The following SENP7 variants were observed in gnomAD, a reference collection of about 807,000 sequenced individuals.
SENP7 encodes sentrin-specific protease 7.
Under a neutral mutation model 141.2 loss-of-function variants are expected in SENP7, and 64 were observed. That is an observed-to-expected ratio of 0.45 (90% CI 0.37 to 0.56). The LOEUF (loss-of-function observed/expected upper bound fraction) is 0.56, where lower values mean the gene tolerates loss of function less well. Among genes scored for constraint, SENP7 ranks in the 20% least tolerant of loss-of-function variants. The pLI is 0.00. For synonymous variants in SENP7, 382 were observed against 426.4 expected, an observed-to-expected ratio of 0.90 and a Z score of 1.28; for missense variants, 1,025 against 1,212.2, an observed-to-expected ratio of 0.85 and a Z score of 2.29.
intron 6 of SENP7, among the ~76,000 whole-genome samples, chr3:101,378,665 C>T (rs980920543): frequency 3.3e-5 from 5 of 151,864 alleles, no homozygotes; most frequent in Non-Finnish European, 5.9e-5. Context: ...AGAATTTCCC[C>T]AAATTAATGT....
At chr3:101,390,188 C>T (rs1460059623) in intron 6 of SENP7, among the ~76,000 whole-genome samples, 1 of 133,858 alleles carries the variant, frequency 7.5e-6, no homozygotes, top group East Asian at 2.3e-4. Context: ...CCACTGCACT[C>T]TAGCTTGGGC....
chr3:101,466,905 G>C (rs533451072), intron 3 of SENP7, among the ~76,000 whole-genome samples: 1 of 152,312 alleles, frequency 6.6e-6, no homozygotes, highest in African/African-American at 2.4e-5. Flanking sequence ...GAAGTGCAAG[G>C]AGTCAGGGGA....
intron 1 of SENP7, among the ~76,000 whole-genome samples, chr3:101,502,395 C>T (rs868086259): frequency 2.0e-5 from 3 of 152,184 alleles, no homozygotes; most frequent in Admixed American, 6.5e-5. Context: ...CTCCACCTCC[C>T]GAGTTCAAGC....
intron 1 of SENP7, among the ~76,000 whole-genome samples, chr3:101,504,530 A>G (rs1182711992): frequency 6.6e-6 from 1 of 152,184 alleles, no homozygotes; most frequent in Non-Finnish European, 1.5e-5. Context: ...TAAATAAACT[A>G]GTACTCAAGT....
At chr3:101,506,645 T>G (rs1389021773) in intron 1 of SENP7, among the ~76,000 whole-genome samples, 1 of 152,168 alleles carries the variant, frequency 6.6e-6, no homozygotes, top group East Asian at 1.9e-4. Context: ...CTAGAATATA[T>G]GATGGAATCT....
upstream of SENP7, chr3:101,513,212 G>GAAAA (rs1254138448): frequency 6.8e-3 from 923 of 135,850 alleles, 220 homozygotes; most frequent in East Asian, 0.013. Context: ...GGAGGGGAAA[G>GAAAA]GAAAAAAAAA....
chr3:101,429,547 G>A (rs1386100269), intron 4 of SENP7, among the ~76,000 whole-genome samples: 3 of 152,150 alleles, frequency 2.0e-5, no homozygotes, highest in Non-Finnish European at 2.9e-5. Flanking sequence ...TTTGTATCCC[G>A]AGACTTTGCT....
chr3:101,343,557 G>C, intron 14 of SENP7, 129 bp downstream of exon 14: 2 of 735,000 alleles, frequency 2.7e-6, no homozygotes, highest in Non-Finnish European at 4.3e-6. Context: ...CATTGGCAAC[G>C]GGAGTTCTTT....
chr3:101,334,475 G>T (rs2059134523), intron 17 of SENP7, among the ~76,000 whole-genome samples: 1 of 152,006 alleles, frequency 6.6e-6, no homozygotes, highest in African/African-American at 2.4e-5. Flanking sequence ...ATAGGAAACT[G>T]AAATCATTGC....
At chr3:101,471,091 G>T (rs1166829028) in intron 3 of SENP7, among the ~76,000 whole-genome samples, 2 of 152,198 alleles carry the variant, frequency 1.3e-5, no homozygotes, top group Non-Finnish European at 2.9e-5. Context: ...GTAATTTATA[G>T]ATTCAATGCC....
At chr3:101,417,837 G>A (rs2061672397) in intron 4 of SENP7, 47 bp from the exon 5 acceptor site, 1 of 1,379,422 alleles carries the variant, frequency 7.2e-7, no homozygotes, top group Non-Finnish European at 1.0e-6. Flanking sequence ...ACACATTGTA[G>A]AATACATGAA....
At chr3:101,348,139 A>C in intron 12 of SENP7, 88 bp from the exon 13 acceptor site, 2 of 800,540 alleles carry the variant, frequency 2.5e-6, no homozygotes, top group Non-Finnish European at 3.6e-6. Flanking sequence ...TTAATACACT[A>C]CTTTTTTTAA....
At chr3:101,447,019 A>C (rs990049548) in intron 4 of SENP7, among the ~76,000 whole-genome samples, 1 of 152,218 alleles carries the variant, frequency 6.6e-6, no homozygotes, top group Non-Finnish European at 1.5e-5. Flanking sequence ...CAAGAAAAAA[A>C]GACCCAAGTA....
chr3:101,467,213 A>C (rs1301756086), intron 3 of SENP7, among the ~76,000 whole-genome samples: 1 of 152,262 alleles, frequency 6.6e-6, no homozygotes, highest in Non-Finnish European at 1.5e-5. Flanking sequence ...ACCACAGTTC[A>C]ACAAGGCCTA....
chr3:101,377,072 G>A (rs1027397273), intron 6 of SENP7, among the ~76,000 whole-genome samples: 1 of 151,880 alleles, frequency 6.6e-6, no homozygotes, highest in African/African-American at 2.4e-5. Flanking sequence ...AAATATGATC[G>A]GATTCAACCA....
chr3:101,481,470 T>C (rs990401402), intron 3 of SENP7, among the ~76,000 whole-genome samples: 3 of 152,134 alleles, frequency 2.0e-5, no homozygotes, highest in Non-Finnish European at 2.9e-5. Flanking sequence ...GAATTATAGA[T>C]ACTAGAGGCT....
intron 7 of SENP7, among the ~76,000 whole-genome samples, chr3:101,369,714 T>G (rs2060127855): frequency 6.6e-6 from 1 of 152,276 alleles, no homozygotes; most frequent in East Asian, 1.9e-4. Flanking sequence ...TGAGAAAAAC[T>G]TGATTATACA....
chr3:101,512,945 G>T, intron 1 of SENP7, 146 bp downstream of exon 1: 1 of 869,414 alleles, frequency 1.2e-6, no homozygotes, highest in South Asian at 1.4e-5. Flanking sequence ...GGCGACCCGG[G>T]AGCCTTCCAT....
intron 17 of SENP7, among the ~76,000 whole-genome samples, chr3:101,333,978 C>T (rs534374536): frequency 1.3e-5 from 2 of 152,276 alleles, no homozygotes; most frequent in Non-Finnish European, 2.9e-5. Context: ...TAGTTAGATT[C>T]TCATAAGGAG....
Sources: gnomAD v4.1 joint callset for allele counts (sites outside exome capture counted in the v4.1 genomes callset) on GRCh38, gnomAD v4.1.1 for gene constraint, MANE v1.5 for transcripts, NCBI Gene and HGNC (gene_info 2026-07-23, HGNC 2026-07-21) for gene names.